DAB2IP: variants seen among roughly 807,000 people sequenced by gnomAD.
DAB2IP encodes DAB2 interacting protein, also known as disabled homolog 2-interacting protein.
Under a neutral mutation model 107.2 loss-of-function variants are expected in DAB2IP, and 28 were observed. That is an observed-to-expected ratio of 0.26 (90% CI 0.19 to 0.36). The LOEUF is 0.36. Among genes scored for constraint, DAB2IP ranks in the 10% least tolerant of loss-of-function variants. DAB2IP has a pLI of 1.00. For missense variants in DAB2IP, 1,400 were observed against 1,644.7 expected (o/e 0.85, Z 2.57); for synonymous variants, 755 against 706.4 (o/e 1.07, Z -1.09).
chr9:121,734,627 T>G (rs1475522746), intron 3 of DAB2IP, among the ~76,000 whole-genome samples: 1 of 152,226 alleles, frequency 6.6e-6, no homozygotes, highest in Non-Finnish European at 1.5e-5. Flanking sequence ...CCCTGTTTTC[T>G]TATAACAAGA....
At chr9:121,775,129 T>C (rs1835106451) in intron 13 of DAB2IP, among the ~76,000 whole-genome samples, 1 of 152,140 alleles carries the variant, frequency 6.6e-6, no homozygotes, top group Admixed American at 6.5e-5. Context: ...AGTTTTTGTC[T>C]CCTACTGCCA....
At chr9:121,765,390 G>A (rs555878967) in intron 8 of DAB2IP, among the ~76,000 whole-genome samples, 2 of 152,224 alleles carry the variant, frequency 1.3e-5, no homozygotes, top group African/African-American at 2.4e-5. Flanking sequence ...TGAGAGCCAC[G>A]GCTAAAGGTG....
rs1036070665 is a variant in DAB2IP at position 121,773,588 on chromosome 9, C to T, written c.2967+93C>T. On this transcript the variant is annotated intron_variant, in intron 12 of 15. Transcript: ENST00000408936. ...CATGCTCCTCCTCTCGGTCATTTCACCTCCACCCTCACCCAGCTGCCATCC... is the reference window on the plus strand; with the variant it reads ...CATGCTCCTCCTCTCGGTCATTTCATCTCCACCCTCACCCAGCTGCCATCC... The T allele has an allele frequency of 2.2e-5, 29 of 1,314,326 alleles. 1 individual carries two copies. Among genetic ancestry groups the T allele is most frequent in the East Asian group, 2.1e-4 (7 of 33,596 alleles). 81.4% of individuals were successfully genotyped at this position (1,314,326 alleles called of 1,614,324 possible). A position where few individuals can be genotyped will look rare whatever the true frequency, so the allele number is the denominator to read the frequency against.
Position 121,603,644 on chromosome 9 carries a change from C to A in DAB2IP, c.40+36416C>A, listed in dbSNP as rs932386604. 3.9e-5 allele frequency among the ~76,000 whole-genome samples: 6 copies of A among 152,102 alleles called. No individual in the cohort carries two copies. In the East Asian group the frequency reaches 1.2e-3, roughly 29 times the overall value. On this transcript the variant is annotated intron_variant, in intron 1 of 16. Transcript: ENST00000259371. The stretch of plus-strand genomic sequence containing the variant: ...TCTGGTTGTGGCTTTGGTGCCAGAG[C>A]CCTCACCTGGAAGCTTGAAGACCTG...
At chr9:121,581,377 G>A (rs1487298673) in intron 1 of DAB2IP, among the ~76,000 whole-genome samples, 2 of 152,186 alleles carry the variant, frequency 1.3e-5, no homozygotes, top group Non-Finnish European at 2.9e-5. Flanking sequence ...ACTTGTGGGG[G>A]AGCAGGAGGA....
chr9:121,578,054 TG>T (rs547563346), intron 1 of DAB2IP, among the ~76,000 whole-genome samples: 88 of 151,918 alleles, frequency 5.8e-4, no homozygotes, highest in Non-Finnish European at 1.1e-3. Flanking sequence ...CCAGGGAATC[TG>T]GGGGGTGGGT....
At chr9:121,613,230 G>A (rs1275664709) in intron 1 of DAB2IP, among the ~76,000 whole-genome samples, 1 of 152,170 alleles carries the variant, frequency 6.6e-6, no homozygotes, top group Non-Finnish European at 1.5e-5. Context: ...ATGAAGTAGT[G>A]TCTGTAATTA....
intron 1 of DAB2IP, among the ~76,000 whole-genome samples, chr9:121,570,222 C>T (rs546424584): frequency 6.6e-6 from 1 of 151,538 alleles, no homozygotes; most frequent in East Asian, 1.9e-4. Context: ...AATCCATCCT[C>T]CCACCTCAGC....
chr9:121,743,257 C>T (rs1435188806), intron 3 of DAB2IP, among the ~76,000 whole-genome samples: 2 of 152,174 alleles, frequency 1.3e-5, no homozygotes, highest in Non-Finnish European at 2.9e-5. Context: ...ACATAGTGCC[C>T]AAAGAGGGCT....
At chr9:121,711,241 G>A (rs973141316) in intron 3 of DAB2IP, among the ~76,000 whole-genome samples, 6 of 152,198 alleles carry the variant, frequency 3.9e-5, no homozygotes, top group East Asian at 1.9e-4. Context: ...GGGCGTTTGC[G>A]ATGAGAGAAT....
chr9:121,607,770 A>G (rs1014523607), intron 1 of DAB2IP, among the ~76,000 whole-genome samples: 22 of 152,192 alleles, frequency 1.4e-4, no homozygotes, highest in African/African-American at 4.8e-4. Context: ...TTAAGAGGGG[A>G]GGGGAGGGAA....
At chr9:121,785,015 ACT>A (rs1265655156) in exon 16 of DAB2IP, 3 of 152,642 alleles carry the variant, frequency 2.0e-5, no homozygotes, top group Admixed American at 6.5e-5. Flanking sequence ...GGTCACCGAG[ACT>A]CAGCCTCTGC....
intron 2 of DAB2IP, among the ~76,000 whole-genome samples, chr9:121,686,811 C>A (rs1216243861): frequency 6.6e-6 from 1 of 152,170 alleles, no homozygotes; most frequent in Non-Finnish European, 1.5e-5. Context: ...GAGGGGTGCA[C>A]CTCCACCCCA....
At chr9:121,692,421 T>C (rs1564159887) in intron 2 of DAB2IP, among the ~76,000 whole-genome samples, 1 of 152,178 alleles carries the variant, frequency 6.6e-6, no homozygotes, top group Non-Finnish European at 1.5e-5. Context: ...GTCCTTGAAC[T>C]TGTGTATGTT....
At chr9:121,767,880 C>A (rs1369349305) in intron 9 of DAB2IP, among the ~76,000 whole-genome samples, 9 of 152,066 alleles carry the variant, frequency 5.9e-5, no homozygotes, top group African/African-American at 2.2e-4. Context: ...GTGGGCCGTG[C>A]CATTTGGGAA....
chr9:121,780,906 C>T (rs549252531), intron 14 of DAB2IP, among the ~76,000 whole-genome samples: 119 of 152,340 alleles, frequency 7.8e-4, no homozygotes, highest in Non-Finnish European at 1.5e-3. Flanking sequence ...CTCCAGGGAA[C>T]GTCACTGCTT....
rs183135861 is a variant in DAB2IP, at chr9:121,752,438, A to G, written c.363-4575A>G. 4.4e-3 allele frequency among the ~76,000 whole-genome samples: 658 copies of G among 148,900 alleles called. 18 individuals carry two copies. The highest frequency in any genetic ancestry group is 7.6e-4 in the Non-Finnish European group (52 of 68,000). On this transcript the variant is annotated intron_variant, in intron 3 of 15. Transcript: ENST00000408936. ...GAGCCAGCCAGACCCAACTTTACCC[A>G]CAAGGAGCCCCCTGCCTGACAAGGA... is the stretch of plus-strand genomic sequence containing the variant.
chr9:121,633,212 A>G lies in DAB2IP; in HGVS notation c.41-45466A>G, dbSNP rs1335537725. On this transcript the variant is annotated intron_variant, in intron 1 of 16. Transcript: ENST00000259371. The surrounding 1 kb of genome is among the most constrained non-coding windows in gnomAD (Gnocchi z 5.1). ...AGAGACCTCATCGGGAAGGTTTGAC[A>G]TGAACAATACAATAAACGCAGCTTC... Among the ~76,000 whole-genome samples the G allele has an allele frequency of 6.6e-6, 1 of 152,244 alleles. No homozygotes were observed. Among genetic ancestry groups the G allele is most frequent in the Non-Finnish European group, 1.5e-5 (1 of 68,050 alleles).
At chr9:121,764,379 ACT>A (rs1271464742) in intron 8 of DAB2IP, among the ~76,000 whole-genome samples, 2 of 152,090 alleles carry the variant, frequency 1.3e-5, no homozygotes, top group Admixed American at 6.5e-5. Context: ...GGGTCTGCAG[ACT>A]CTGCCAGCCC....
Sources: allele counts gnomAD v4.1 joint callset (sites outside exome capture counted in the v4.1 genomes callset), GRCh38; gene constraint gnomAD v4.1.1; non-coding constraint Gnocchi (gnomAD v3.1); transcripts MANE v1.5; gene names NCBI Gene and HGNC (gene_info 2026-07-23, HGNC 2026-07-21).